Variants in EPHA4 observed in about 807,000 individuals in gnomAD.
EPHA4 encodes EPH receptor A4.
A neutral mutation model predicts 108.3 loss-of-function variants in EPHA4; 19 were observed. That is an observed-to-expected ratio of 0.18 (90% CI 0.12 to 0.26). EPHA4 has a LOEUF of 0.26. Among genes scored for constraint, EPHA4 ranks in the 10% least tolerant of loss-of-function variants. The pLI is 1.00. For synonymous variants in EPHA4, 449 were observed against 455.5 expected (o/e 0.99, Z 0.18); for missense variants, 917 against 1,254.0 (o/e 0.73, Z 4.06).
intron 3 of EPHA4, among the ~76,000 whole-genome samples, chr2:221,562,547 T>A (rs1694500288): frequency 6.6e-6 from 1 of 152,132 alleles, no homozygotes; most frequent in Non-Finnish European, 1.5e-5. Context: ...AACCACCAAA[T>A]CAGATGAACC....
At chr2:221,531,702 C>T (rs188333967) in intron 3 of EPHA4, among the ~76,000 whole-genome samples, 167 of 144,048 alleles carry the variant, frequency 1.2e-3, no homozygotes, top group African/African-American at 4.2e-3. Flanking sequence ...AACAGTTATA[C>T]TCATCTATCT....
intron 5 of EPHA4, among the ~76,000 whole-genome samples, chr2:221,470,425 G>T (rs1366351760): frequency 1.3e-5 from 2 of 151,804 alleles, no homozygotes; most frequent in Non-Finnish European, 1.5e-5. Flanking sequence ...TGCCAGTTTG[G>T]TTCTACTGGA....
rs879781384 is a variant in EPHA4 at position 221,567,012 on chromosome 2, A to AAGAAGAAGAAGAAG, written c.159+1705_159+1706insCTTCTTCTTCTTCT. The stretch of plus-strand genomic sequence containing the variant: ...AGAAGAAGAAGAAGAAGAAGAAGAA[A>AAGAAGAAGAAGAAG]AAAATGTCTGCAGCATATTAAATTG... On this transcript the variant is annotated intron_variant, in intron 2 of 17. Transcript: ENST00000281821. Among the ~76,000 whole-genome samples, 11 of 67,694 alleles carry AAGAAGAAGAAGAAG rather than the reference A, an allele frequency of 1.6e-4. 1 individual carries two copies. Among genetic ancestry groups the AAGAAGAAGAAGAAG allele is most frequent in the South Asian group, 6.8e-4 (1 of 1,480 alleles). 44.4% of individuals were successfully genotyped at this position (67,694 alleles called of 152,430 possible).
chr2:221,505,507 G>A (rs1250969837), intron 3 of EPHA4, among the ~76,000 whole-genome samples: 1 of 151,944 alleles, frequency 6.6e-6, no homozygotes, highest in Non-Finnish European at 1.5e-5. Context: ...TATATTTTTA[G>A]TAGAGATGGA....
intron 5 of EPHA4, among the ~76,000 whole-genome samples, chr2:221,461,970 G>GCTGA (rs1281476916): frequency 6.9e-6 from 1 of 145,668 alleles, no homozygotes; most frequent in Admixed American, 7.3e-5. Flanking sequence ...AAGCTGGGGG[G>GCTGA]CTGATGAACA....
intron 9 of EPHA4, among the ~76,000 whole-genome samples, chr2:221,444,744 C>CTTTTTT (rs71266317): frequency 8.0e-4 from 60 of 74,986 alleles, no homozygotes; most frequent in Non-Finnish European, 1.2e-3. Context: ...TTTTTTCTAT[C>CTTTTTT]TTTTTTTTTT....
intron 17 of EPHA4, among the ~76,000 whole-genome samples, chr2:221,423,102 G>A (rs1689801910): frequency 6.6e-6 from 1 of 152,178 alleles, no homozygotes; most frequent in Non-Finnish European, 1.5e-5. Flanking sequence ...ATAATACTTG[G>A]ACAATGTTGG....
At chr2:221,565,292 G>A (rs915011107) in intron 2 of EPHA4, among the ~76,000 whole-genome samples, 29 of 152,068 alleles carry the variant, frequency 1.9e-4, no homozygotes, top group Non-Finnish European at 2.8e-4. Context: ...GACAACTTGC[G>A]TCTACCACTG....
At chr2:221,498,784 T>G in intron 4 of EPHA4, among the ~76,000 whole-genome samples, 1 of 130,700 alleles carries the variant, frequency 7.7e-6, no homozygotes, top group African/African-American at 2.5e-5. Context: ...TGGCTATTTT[T>G]TTTTTCTTTT....
At chr2:221,494,455 T>C (rs1323891905) in intron 4 of EPHA4, among the ~76,000 whole-genome samples, 3 of 151,910 alleles carry the variant, frequency 2.0e-5, no homozygotes, top group Non-Finnish European at 4.4e-5. Flanking sequence ...AATACAAAAA[T>C]ATTAGCTGGG....
intron 3 of EPHA4, among the ~76,000 whole-genome samples, chr2:221,555,500 C>T (rs1259936066): frequency 6.6e-6 from 1 of 152,174 alleles, no homozygotes; most frequent in African/African-American, 2.4e-5. Flanking sequence ...GAGTTGTAAG[C>T]AGTACCAACA....
chr2:221,464,612 G>A (rs1258752635), intron 5 of EPHA4, among the ~76,000 whole-genome samples: 1 of 152,102 alleles, frequency 6.6e-6, no homozygotes, highest in South Asian at 2.1e-4. Flanking sequence ...GTATTTTATA[G>A]TACAAGAGTT....
Position 221,425,931 on chromosome 2 carries a change from G to C in EPHA4, c.*97C>G. 1 of 945,424 alleles carries C rather than the reference G, an allele frequency of 1.1e-6. No individual in the cohort carries two copies. Among genetic ancestry groups the C allele is most frequent in the Non-Finnish European group, 1.7e-6 (1 of 603,154 alleles). The allele number at this position is 945,424 out of a possible 1,614,324, so 58.6% of individuals were successfully genotyped here. Reference sequence around the variant, plus strand: ...TTTTTTTTTCATTTCTTTAATTTCAGAGGGCGAAGACGAAGTAAAAAAAGT... The same window carrying C: ...TTTTTTTTTCATTTCTTTAATTTCACAGGGCGAAGACGAAGTAAAAAAAGT... On this transcript the variant is annotated 3_prime_UTR_variant, in exon 17 of 18. Coordinates refer to ENST00000281821, the MANE Select transcript of EPHA4 (RefSeq NM_004438.5).
At chr2:221,507,714 A>G (rs1043204564) in intron 3 of EPHA4, among the ~76,000 whole-genome samples, 1 of 152,212 alleles carries the variant, frequency 6.6e-6, no homozygotes, top group African/African-American at 2.4e-5. Flanking sequence ...ATAAAGACAG[A>G]GACAACAGAA....
intron 1 of EPHA4, 38 bp from the exon 2 acceptor site, chr2:221,568,823 TG>T: frequency 6.3e-7 from 1 of 1,577,116 alleles, no homozygotes. Context: ...AATTTCCAAT[TG>T]CAAAAAGCCA....
At chr2:221,485,992 G>C (rs995761765) in intron 4 of EPHA4, among the ~76,000 whole-genome samples, 1 of 152,088 alleles carries the variant, frequency 6.6e-6, no homozygotes, top group Non-Finnish European at 1.5e-5. Flanking sequence ...ACCTAACTCC[G>C]ATTATTTTCT....
At chr2:221,469,909 G>C (rs989558293) in intron 5 of EPHA4, among the ~76,000 whole-genome samples, 1 of 152,126 alleles carries the variant, frequency 6.6e-6, no homozygotes, top group African/African-American at 2.4e-5. Flanking sequence ...CATTTAAAAA[G>C]ATCACGTGAG....
intron 8 of EPHA4, among the ~76,000 whole-genome samples, chr2:221,454,223 G>A (rs1460656080): frequency 6.6e-6 from 1 of 151,730 alleles, no homozygotes; most frequent in Non-Finnish European, 1.5e-5. Flanking sequence ...TACCAACTGG[G>A]ACCATCCAGG....
intron 11 of EPHA4, among the ~76,000 whole-genome samples, chr2:221,442,064 C>T (rs552021192): frequency 6.6e-6 from 1 of 152,320 alleles, no homozygotes; most frequent in South Asian, 2.1e-4. Context: ...CTTGGCTTTC[C>T]AGGGGACACA....
Sources: gnomAD v4.1 joint callset for allele counts (sites outside exome capture counted in the v4.1 genomes callset) on GRCh38, gnomAD v4.1.1 for gene constraint, MANE v1.5 for transcripts, NCBI Gene and HGNC (gene_info 2026-07-23, HGNC 2026-07-21) for gene names.